The following SIPA1L2 variants were observed in gnomAD, a reference collection of about 807,000 sequenced individuals.
SIPA1L2 encodes signal induced proliferation associated 1 like 2.
SIPA1L2 carries 56 observed loss-of-function variants against 163.9 expected under a neutral mutation model. The observed-to-expected ratio is 0.34, with a 90% CI of 0.28 to 0.43. SIPA1L2 has a LOEUF of 0.43. Among genes scored for constraint, SIPA1L2 ranks in the 20% least tolerant of loss-of-function variants. The pLI is 1.00. For missense variants in SIPA1L2, 1,974 were observed against 2,193.5 expected (o/e 0.90, Z 2.00); for synonymous variants, 877 against 865.7 (o/e 1.01, Z -0.23).
chr1:232,490,200 T>C (rs1363021450), intron 5 of SIPA1L2, among the ~76,000 whole-genome samples: 1 of 152,084 alleles, frequency 6.6e-6, no homozygotes, highest in African/African-American at 2.4e-5. Flanking sequence ...ACCTCTCTTC[T>C]CTTTGTAAAG....
chr1:232,430,942 G>A (rs1662196575), intron 16 of SIPA1L2, among the ~76,000 whole-genome samples: 1 of 152,128 alleles, frequency 6.6e-6, no homozygotes, highest in Non-Finnish European at 1.5e-5. Flanking sequence ...CGACTCAAGA[G>A]ACACAAACCC....
At chr1:232,604,129 A>G (rs1280556687) in intron 1 of SIPA1L2, among the ~76,000 whole-genome samples, 1 of 152,156 alleles carries the variant, frequency 6.6e-6, no homozygotes, top group African/African-American at 2.4e-5. Context: ...AAGAATCTTC[A>G]AAAGATTCCA....
At chr1:232,586,758 C>T (rs1187844521) in intron 1 of SIPA1L2, among the ~76,000 whole-genome samples, 1 of 152,200 alleles carries the variant, frequency 6.6e-6, no homozygotes, top group Non-Finnish European at 1.5e-5. Flanking sequence ...TACCTAGTTA[C>T]AATGCGAAAC....
At chr1:232,510,956 T>C (rs1666953089) in intron 3 of SIPA1L2, among the ~76,000 whole-genome samples, 1 of 152,206 alleles carries the variant, frequency 6.6e-6, no homozygotes, top group Non-Finnish European at 1.5e-5. Context: ...GAATGACTAA[T>C]TACCTGGGGA....
chr1:232,446,753 A>C (rs1267976040), intron 10 of SIPA1L2, among the ~76,000 whole-genome samples: 1 of 152,202 alleles, frequency 6.6e-6, no homozygotes, highest in Non-Finnish European at 1.5e-5. Context: ...TGAAAACTTC[A>C]ATGTCTCCTT....
Position 232,515,134 on chromosome 1 carries a change from G to A in SIPA1L2, c.206C>T (p.Pro69Leu), listed in dbSNP as rs202027818. ...TGGGGPANGT[P>L]AVPKMGVRAR... ...TCTCACACCCATCTTGGGCACAGCT[G>A]GGGTACCATTAGCCGGACCACCACC... The change falls in exon 3 of 23, where the codon CCA becomes CTA. Residue 69 changes from proline (P) to leucine (L), a missense_variant. By Grantham distance (98) the Pro-to-Leu change is moderately conservative. Around this residue, in one of 3 missense-constraint regions of SIPA1L2, gnomAD observed 607 missense variants for 624.0 expected, o/e 0.97. Transcript: ENST00000674635. The A allele has an allele frequency of 5.0e-5, 80 of 1,613,838 alleles. No individual in the cohort carries two copies. Among genetic ancestry groups the A allele is most frequent in the Non-Finnish European group, 6.3e-5 (74 of 1,179,862 alleles).
At chr1:232,428,350 CTTTTTTTTTT>C in intron 17 of SIPA1L2, 51 bp downstream of exon 17, 3 of 837,796 alleles carry the variant, frequency 3.6e-6, no homozygotes, top group Non-Finnish European at 4.8e-6. Flanking sequence ...TTTCTTTAGA[CTTTTTTTTTT>C]TTTTTTTTTT....
At chr1:232,619,918 C>T (rs1301180000) in intron 1 of SIPA1L2, among the ~76,000 whole-genome samples, 1 of 152,052 alleles carries the variant, frequency 6.6e-6, no homozygotes, top group Non-Finnish European at 1.5e-5. Context: ...TGGAGTCTTG[C>T]TCTCTCACCA....
At chr1:232,415,719 G>C in intron 18 of SIPA1L2, 94 bp from the exon 19 acceptor site, 1 of 1,553,366 alleles carries the variant, frequency 6.4e-7, no homozygotes, top group Non-Finnish European at 8.8e-7. Flanking sequence ...GCCCCTCCCA[G>C]AGTCAGTCAG....
chr1:232,467,919 AT>A (rs1187694335), intron 8 of SIPA1L2, among the ~76,000 whole-genome samples: 21 of 152,186 alleles, frequency 1.4e-4, no homozygotes, highest in Non-Finnish European at 2.5e-4. Flanking sequence ...TAGTAGGGAA[AT>A]TTTTTGTGTA....
intron 2 of SIPA1L2, among the ~76,000 whole-genome samples, chr1:232,529,188 A>G (rs141270664): frequency 6.6e-6 from 1 of 152,154 alleles, no homozygotes; most frequent in South Asian, 2.1e-4. Context: ...AAATATCTAC[A>G]TGATCACCCT....
At chr1:232,623,844 A>G (rs1662940366) in intron 1 of SIPA1L2, among the ~76,000 whole-genome samples, 2 of 151,914 alleles carry the variant, frequency 1.3e-5, no homozygotes, top group Non-Finnish European at 2.9e-5. Context: ...CGCTTGCCTC[A>G]CAAGACCCTA....
intron 18 of SIPA1L2, among the ~76,000 whole-genome samples, chr1:232,419,238 G>A (rs1319433588): frequency 6.6e-6 from 1 of 152,176 alleles, no homozygotes; most frequent in Admixed American, 6.5e-5. Context: ...TCCATAAGCA[G>A]GAAGACTTCC....
intron 2 of SIPA1L2, among the ~76,000 whole-genome samples, chr1:232,569,583 C>T (rs539381537): frequency 6.6e-6 from 1 of 152,314 alleles, no homozygotes; most frequent in South Asian, 2.1e-4. Context: ...GAGGCTGAGG[C>T]AGGCGAATCA....
intron 7 of SIPA1L2, among the ~76,000 whole-genome samples, chr1:232,475,875 T>G (rs1053415179): frequency 6.6e-6 from 1 of 151,316 alleles, no homozygotes; most frequent in African/African-American, 2.4e-5. Flanking sequence ...AAATGTCTCT[T>G]TCTTCTTTCT....
At chr1:232,505,618 C>T (rs188570029) in intron 3 of SIPA1L2, among the ~76,000 whole-genome samples, 7 of 152,272 alleles carry the variant, frequency 4.6e-5, no homozygotes, top group African/African-American at 1.7e-4. Context: ...TGTCCAGATA[C>T]GGCACCTCTG....
intron 16 of SIPA1L2, among the ~76,000 whole-genome samples, chr1:232,430,970 G>A (rs1662199993): frequency 6.6e-6 from 1 of 152,064 alleles, no homozygotes; most frequent in Admixed American, 6.6e-5. Context: ...ACCTCATTCT[G>A]GACACTGCCT....
intron 19 of SIPA1L2, among the ~76,000 whole-genome samples, chr1:232,414,633 G>A (rs574389082): frequency 1.3e-5 from 2 of 152,258 alleles, no homozygotes; most frequent in African/African-American, 2.4e-5. Context: ...CTCACAGAGC[G>A]CAGGGCATTA....
intron 1 of SIPA1L2, among the ~76,000 whole-genome samples, chr1:232,627,414 A>G (rs1663134789): frequency 6.6e-6 from 1 of 152,208 alleles, no homozygotes; most frequent in African/African-American, 2.4e-5. Context: ...TTTCAAAATA[A>G]TAACCCGCTT....
Sources: gnomAD v4.1 joint callset for allele counts (sites outside exome capture counted in the v4.1 genomes callset) on GRCh38, gnomAD v4.1.1 for gene constraint, gnomAD v4.1.1 regional missense constraint, MANE v1.5 for transcripts, NCBI Gene and HGNC (gene_info 2026-07-23, HGNC 2026-07-21) for gene names.